MAL2: variants seen among roughly 807,000 people sequenced by gnomAD.
MAL2 encodes protein MAL2.
Under a neutral mutation model 18.1 loss-of-function variants are expected in MAL2, and 17 were observed. The observed-to-expected ratio is 0.94, with a 90% CI of 0.64 to 1.41. MAL2 has a LOEUF of 1.41. MAL2 is among the 40% of genes most tolerant of loss of function. MAL2 has a pLI of 0.00. For missense variants in MAL2, 222 were observed against 231.9 expected (o/e 0.96, Z 0.28); for synonymous variants, 102 against 102.3 (o/e 1.00, Z 0.02).
chr8:119,238,413 T>C (rs1160284219), intron 2 of MAL2, among the ~76,000 whole-genome samples: 15 of 152,134 alleles, frequency 9.9e-5, no homozygotes, highest in Admixed American at 9.8e-4. Context: ...CTTCACAGAA[T>C]TGGAAAAAAC....
Position 119,208,407 on chromosome 8 carries a change from G to A in MAL2, c.-66G>A. The A allele has an allele frequency of 1.1e-6, 1 of 951,378 alleles. No individual in the cohort carries two copies. The highest frequency in any genetic ancestry group is 1.3e-6 in the Non-Finnish European group (1 of 782,460). The allele number at this position is 951,378 out of a possible 1,614,324, so 58.9% of individuals were successfully genotyped here. A position where few individuals can be genotyped will look rare whatever the true frequency, so the allele number is the denominator to read the frequency against. On this transcript the variant is annotated 5_prime_UTR_variant, in exon 1 of 4. Coordinates refer to ENST00000614891, the MANE Select transcript of MAL2 (RefSeq NM_052886.3). This position sits in a 1 kb window ranked among gnomAD's most constrained non-coding sequence, Gnocchi z 4.3. ...CTGAGCGGCGGCGGCGGCGGCGGCA[G>A]GAGCCCGGGAGGCGGAGGCGGGAGG...
At chr8:119,228,061 G>A (rs1186822773) in intron 2 of MAL2, among the ~76,000 whole-genome samples, 1 of 152,058 alleles carries the variant, frequency 6.6e-6, no homozygotes, top group Non-Finnish European at 1.5e-5. Context: ...GATCACCTGA[G>A]GTCTACATAT....
At position 119,210,770 on chromosome 8, in the gene MAL2, C is replaced by T. The variant is rs76380927; in HGVS notation, c.132+2166C>T. Among the ~76,000 whole-genome samples, 1,306 of 152,300 alleles carry T rather than the reference C, an allele frequency of 8.6e-3. 17 individuals are homozygous for T. The highest frequency in any genetic ancestry group is 0.03 in the African/African-American group (1,245 of 41,552). ...GAAACATGTCTCACACTCTTGGCTA[C>T]GTAGAACAGCATCACTTCCAAAAGC... On this transcript the variant is annotated intron_variant, in intron 1 of 3. Coordinates refer to ENST00000614891, the MANE Select transcript of MAL2 (RefSeq NM_052886.3).
chr8:119,226,769 A>T (rs143482765), intron 2 of MAL2, among the ~76,000 whole-genome samples: 309 of 152,298 alleles, frequency 2.0e-3, no homozygotes, highest in African/African-American at 7.1e-3. Flanking sequence ...TCAGAAATGG[A>T]CATTATCAGG....
chr8:119,208,730 G>A lies in MAL2; in HGVS notation c.132+126G>A, dbSNP rs531539440. On this transcript the variant is annotated intron_variant, in intron 1 of 3. Coordinates refer to ENST00000614891, the MANE Select transcript of MAL2 (RefSeq NM_052886.3). The surrounding 1 kb of genome is among the most constrained non-coding windows in gnomAD (Gnocchi z 4.3). ...CTTCCCTTCGACGTGGCTTTGTCCT[G>A]CGCTCCCTCCCGGGGTCCTCTCGGT... 2 of 1,210,120 alleles carry A rather than the reference G, an allele frequency of 1.7e-6. No individual in the cohort carries two copies. The highest frequency in any genetic ancestry group is 8.2e-5 in the South Asian group (2 of 24,538). The allele number at this position is 1,210,120 out of a possible 1,614,324, so 75.0% of individuals were successfully genotyped here. A position where few individuals can be genotyped will look rare whatever the true frequency, so the allele number is the denominator to read the frequency against.
At chr8:119,232,782 T>C (rs1220725728) in intron 2 of MAL2, among the ~76,000 whole-genome samples, 1 of 152,186 alleles carries the variant, frequency 6.6e-6, no homozygotes, top group East Asian at 1.9e-4. Flanking sequence ...AGACAGCATA[T>C]GTTATGGCTT....
Position 119,240,289 on chromosome 8 carries a change from A to T in MAL2, c.428A>T (p.Asp143Val), listed in dbSNP as rs556581747. 33 of 1,613,688 alleles carry T rather than the reference A, an allele frequency of 2.0e-5. 1 individual carries two copies. The South Asian group carries it at 3.1e-4, about 15-fold the overall frequency. Reference sequence around the variant, plus strand: ...ATAACCGGGCAGCCACTCCTGAGTGATAACCAGTATAACATAAACGTAGCA... The same window carrying T: ...ATAACCGGGCAGCCACTCCTGAGTGTTAACCAGTATAACATAAACGTAGCA... ...TTITGQPLLSDNQYNINVAAS... is the reference protein window; with the variant it reads ...TTITGQPLLSVNQYNINVAAS... The change falls in exon 3 of 4, where the codon GAT becomes GTT. Residue 143 changes from aspartate to valine, a missense_variant. Transcript: ENST00000614891.
At chr8:119,237,467 C>T (rs1246506748) in intron 2 of MAL2, among the ~76,000 whole-genome samples, 12 of 151,602 alleles carry the variant, frequency 7.9e-5, no homozygotes, top group African/African-American at 2.4e-4. Flanking sequence ...ATACCAAAGC[C>T]GGGCAGAGAG....
chr8:119,210,963 A>G (rs1439980928), intron 1 of MAL2, among the ~76,000 whole-genome samples: 2 of 152,180 alleles, frequency 1.3e-5, no homozygotes, highest in African/African-American at 4.8e-5. Flanking sequence ...ACCACACTAG[A>G]GTCAAACTAT....
chr8:119,231,722 G>GTA (rs1817734106), intron 2 of MAL2, among the ~76,000 whole-genome samples: 1 of 152,166 alleles, frequency 6.6e-6, no homozygotes, highest in South Asian at 2.1e-4. Flanking sequence ...AGAAAATGCA[G>GTA]TATATATTCA....
intron 2 of MAL2, among the ~76,000 whole-genome samples, chr8:119,230,360 T>G (rs1817691643): frequency 6.6e-6 from 1 of 150,502 alleles, no homozygotes; most frequent in African/African-American, 2.5e-5. Context: ...GAAATAGGAT[T>G]GGACAGGAAA....
chr8:119,235,185 G>C (rs554509941), intron 2 of MAL2, among the ~76,000 whole-genome samples: 1 of 152,146 alleles, frequency 6.6e-6, no homozygotes, highest in African/African-American at 2.4e-5. Flanking sequence ...GAGCGAATGC[G>C]ATCAACTGGA....
intron 2 of MAL2, among the ~76,000 whole-genome samples, chr8:119,229,639 T>C (rs1817671953): frequency 6.6e-6 from 1 of 152,124 alleles, no homozygotes; most frequent in South Asian, 2.1e-4. Flanking sequence ...CTGAGCAAAG[T>C]GTGTAACATG....
At chr8:119,221,020 A>G (rs1386735294) in intron 1 of MAL2, 1 of 152,756 alleles carries the variant, frequency 6.5e-6, no homozygotes, top group Non-Finnish European at 1.5e-5. Flanking sequence ...TGAAGTACTT[A>G]TTCCTATGTC....
At chr8:119,220,224 C>T (rs1817440823) in intron 1 of MAL2, among the ~76,000 whole-genome samples, 1 of 152,190 alleles carries the variant, frequency 6.6e-6, no homozygotes, top group Non-Finnish European at 1.5e-5. Context: ...GGGTATTTTC[C>T]TTATCTGTCC....
intron 2 of MAL2, among the ~76,000 whole-genome samples, chr8:119,236,616 C>G (rs1285689219): frequency 6.6e-6 from 1 of 151,776 alleles, no homozygotes; most frequent in Non-Finnish European, 1.5e-5. Context: ...TGCAATCAAA[C>G]TAGAACTCAG....
chr8:119,239,933 A>G (rs1273824294), intron 2 of MAL2, among the ~76,000 whole-genome samples: 2 of 152,212 alleles, frequency 1.3e-5, no homozygotes, highest in Non-Finnish European at 2.9e-5. Context: ...TACATATTAT[A>G]AAATTCAGTA....
At chr8:119,235,646 A>C (rs919424277) in intron 2 of MAL2, among the ~76,000 whole-genome samples, 5 of 151,940 alleles carry the variant, frequency 3.3e-5, no homozygotes, top group African/African-American at 1.2e-4. Context: ...CCAATATTCA[A>C]CATTCTTAAA....
At chr8:119,222,507 C>T (rs1817486044) in intron 2 of MAL2, among the ~76,000 whole-genome samples, 1 of 142,130 alleles carries the variant, frequency 7.0e-6, no homozygotes, top group Non-Finnish European at 1.5e-5. Context: ...GGTGACAGAG[C>T]AAGACTCCAT....
Sources: gnomAD v4.1 joint callset for allele counts (sites outside exome capture counted in the v4.1 genomes callset) on GRCh38, gnomAD v4.1.1 for gene constraint, Gnocchi (gnomAD v3.1) non-coding constraint, MANE v1.5 for transcripts, NCBI Gene and HGNC (gene_info 2026-07-23, HGNC 2026-07-21) for gene names.